The following UNC13B variants were observed in gnomAD, a reference collection of about 807,000 sequenced individuals.
The protein encoded by UNC13B is protein unc-13 homolog B.
UNC13B carries 144 observed loss-of-function variants against 211.0 expected under a neutral mutation model. The observed-to-expected ratio is 0.68, with a 90% confidence interval of 0.60 to 0.78. The LOEUF is 0.78. Among genes scored for constraint, UNC13B ranks in the 30% least tolerant of loss-of-function variants. UNC13B has a pLI of 0.00. For missense variants in UNC13B, 1,777 were observed against 2,002.0 expected (o/e 0.89, Z 2.14); for synonymous variants, 709 against 725.8 (o/e 0.98, Z 0.37).
At chr9:35,178,329 G>A (rs950141686) in intron 1 of UNC13B, among the ~76,000 whole-genome samples, 2 of 152,022 alleles carry the variant, frequency 1.3e-5, no homozygotes, top group Non-Finnish European at 2.9e-5. Flanking sequence ...GGGCAACATG[G>A]CAAAACCCCA....
In UNC13B at chr9:35,403,938, A is replaced by C. The variant is rs907804054; in HGVS notation, c.12928A>C (p.Ile4310Leu). Residue 4310 changes from isoleucine (I) to leucine (L), a missense_variant, in exon 40 of 40, where the codon ATT becomes CTT. By Grantham distance (5) the Ile-to-Leu change is conservative (BLOSUM62 2). Transcript: ENST00000635942. ...CCATATGGATGAGACAGGCCTGACC[A>C]TTCTCCGGATTTTATCTCAGAGGAG... ...KIHMDETGLT[I>L]LRILSQRSND... 1 of 1,614,030 alleles carries C rather than the reference A, an allele frequency of 6.2e-7. No individual in the cohort carries two copies. Among genetic ancestry groups the C allele is most frequent in the Non-Finnish European group, 8.5e-7 (1 of 1,180,030 alleles).
intron 1 of UNC13B, among the ~76,000 whole-genome samples, chr9:35,178,606 G>A (rs1821766222): frequency 6.6e-6 from 1 of 151,972 alleles, no homozygotes; most frequent in Non-Finnish European, 1.5e-5. Context: ...GGTTACATAT[G>A]AGAAAATAGG....
At chr9:35,389,994 C>G in intron 25 of UNC13B, 21 bp downstream of exon 25, 1 of 1,612,228 alleles carries the variant, frequency 6.2e-7, no homozygotes, top group Non-Finnish European at 8.5e-7. Flanking sequence ...CCCTCTTTGG[C>G]CCTGTCTGTT....
chr9:35,202,049 A>G (rs11496462), intron 1 of UNC13B, among the ~76,000 whole-genome samples: 28,327 of 152,050 alleles, frequency 0.19, 2,975 homozygotes, highest in Non-Finnish European at 0.24. Flanking sequence ...TCTTTGTTCC[A>G]TTGGTTTCAA....
intron 6 of UNC13B, among the ~76,000 whole-genome samples, chr9:35,249,980 TG>T (rs1564092749): frequency 6.6e-6 from 1 of 152,144 alleles, no homozygotes; most frequent in Admixed American, 6.5e-5. Context: ...TTTTATATAC[TG>T]TACAGTTCAC....
At chr9:35,269,716 C>T (rs1827770945) in intron 7 of UNC13B, among the ~76,000 whole-genome samples, 1 of 152,220 alleles carries the variant, frequency 6.6e-6, no homozygotes, top group Admixed American at 6.5e-5. Context: ...TTATCCCTAT[C>T]ACTCAAGGAG....
chr9:35,376,268 G>A (rs1369795695), intron 15 of UNC13B, 21 bp downstream of exon 15: 4 of 1,609,192 alleles, frequency 2.5e-6, no homozygotes, highest in Non-Finnish European at 3.4e-6. Context: ...TGCGGGATGA[G>A]GGGCGGGGAG....
chr9:35,353,325 A>T, intron 11 of UNC13B: 1 of 1,232,184 alleles, frequency 8.1e-7, no homozygotes, highest in South Asian at 4.1e-5. Flanking sequence ...GGTGTGTTTC[A>T]GAAGCTGGAG....
At chr9:35,251,253 C>T (rs113986819) in intron 6 of UNC13B, among the ~76,000 whole-genome samples, 3,963 of 152,092 alleles carry the variant, frequency 0.026, 174 homozygotes, top group African/African-American at 0.088. Context: ...CGTGAGTCAC[C>T]GCGCCCGGCC....
intron 10 of UNC13B, among the ~76,000 whole-genome samples, chr9:35,313,564 G>T (rs1830290398): frequency 6.6e-6 from 1 of 151,808 alleles, no homozygotes; most frequent in Non-Finnish European, 1.5e-5. Flanking sequence ...GATTAAGGCT[G>T]CAGTGAGCCG....
intron 11 of UNC13B, among the ~76,000 whole-genome samples, chr9:35,314,438 C>T (rs755640983): frequency 6.6e-6 from 1 of 151,980 alleles, no homozygotes; most frequent in South Asian, 2.1e-4. Context: ...TCTGAAACAA[C>T]GTCAAAAAAA....
At chr9:35,333,818 C>T (rs569975861) in intron 11 of UNC13B, among the ~76,000 whole-genome samples, 11 of 152,276 alleles carry the variant, frequency 7.2e-5, no homozygotes, top group East Asian at 1.9e-4. Context: ...TGAAGGCTGC[C>T]GTCTGACTTC....
chr9:35,328,210 G>C (rs762730066), intron 11 of UNC13B, among the ~76,000 whole-genome samples: 2 of 152,106 alleles, frequency 1.3e-5, no homozygotes, highest in Admixed American at 6.5e-5. Flanking sequence ...TTTTAGTAGA[G>C]ATGGGGTTTG....
intron 4 of UNC13B, 109 bp from the exon 5 acceptor site, chr9:35,237,594 A>T: frequency 7.2e-7 from 1 of 1,393,298 alleles, no homozygotes; most frequent in Non-Finnish European, 9.9e-7. Context: ...TCAGGATGTG[A>T]ATGGCCCTCA....
At chr9:35,326,676 A>T (rs1040784189) in intron 11 of UNC13B, among the ~76,000 whole-genome samples, 4 of 152,240 alleles carry the variant, frequency 2.6e-5, no homozygotes, top group Non-Finnish European at 5.9e-5. Flanking sequence ...GGTGTGAACC[A>T]CTGTGCCCAG....
chr9:35,397,091 A>C, intron 28 of UNC13B, 76 bp from the exon 29 acceptor site: 2 of 1,605,088 alleles, frequency 1.2e-6, no homozygotes, highest in Admixed American at 3.3e-5. Context: ...CTTGCTGGTC[A>C]GAGCCTTTTC....
chr9:35,250,957 C>CTTTTTTTT (rs35077779), intron 6 of UNC13B, among the ~76,000 whole-genome samples: 9 of 77,084 alleles, frequency 1.2e-4, no homozygotes, highest in East Asian at 4.6e-4. Flanking sequence ...GTTACTCTTC[C>CTTTTTTTT]TTTTTTTTTT....
intron 6 of UNC13B, among the ~76,000 whole-genome samples, chr9:35,251,016 G>A (rs956644241): frequency 7.8e-6 from 1 of 128,492 alleles, no homozygotes; most frequent in African/African-American, 3.0e-5. Context: ...AGGCTGGAGT[G>A]CAGTGGCGCG....
At chr9:35,218,458 G>A (rs1824379331) in intron 1 of UNC13B, among the ~76,000 whole-genome samples, 1 of 151,816 alleles carries the variant, frequency 6.6e-6, no homozygotes, top group African/African-American at 2.4e-5. Context: ...TTTGAGACAG[G>A]GTCTGGCTCT....
Sources: allele counts gnomAD v4.1 joint callset (sites outside exome capture counted in the v4.1 genomes callset), GRCh38; gene constraint gnomAD v4.1.1; transcripts MANE v1.5; gene names NCBI Gene and HGNC (gene_info 2026-07-23, HGNC 2026-07-21).